Variants in SORCS3 observed in about 807,000 individuals in gnomAD.
SORCS3 encodes VPS10 domain-containing receptor SorCS3.
Under a neutral mutation model 146.3 loss-of-function variants are expected in SORCS3, and 57 were observed. The ratio of observed to expected loss-of-function variants is 0.39; its 90% CI spans 0.31 to 0.49. The LOEUF (loss-of-function observed/expected upper bound fraction) is 0.49, where lower values mean the gene tolerates loss of function less well. SORCS3 is among the 20% of genes least tolerant of loss of function. The probability of loss-of-function intolerance (pLI) is 0.92; values close to 1 mark genes in which losing one functional copy is unlikely to be tolerated. For missense variants in SORCS3, 1,341 were observed against 1,575.5 expected (o/e 0.85, Z 2.52); for synonymous variants, 653 against 618.5 (o/e 1.06, Z -0.83).
intron 1 of SORCS3, among the ~76,000 whole-genome samples, chr10:104,809,131 G>T (rs1468487276): frequency 6.6e-6 from 1 of 152,172 alleles, no homozygotes; most frequent in African/African-American, 2.4e-5. Flanking sequence ...TTGAGTTTTA[G>T]ATACCTTTAG....
chr10:104,701,901 C>A (rs2016283109), intron 1 of SORCS3, among the ~76,000 whole-genome samples: 1 of 151,932 alleles, frequency 6.6e-6, no homozygotes, highest in African/African-American at 2.4e-5. Flanking sequence ...ATTGTTGATG[C>A]TCATGTTGTT....
intron 3 of SORCS3, among the ~76,000 whole-genome samples, chr10:104,928,275 G>A (rs1459354580): frequency 6.6e-6 from 1 of 152,156 alleles, no homozygotes; most frequent in East Asian, 1.9e-4. Flanking sequence ...CAGCCTCTCA[G>A]ACTGATGAGA....
At chr10:105,216,386 C>T (rs2056665225) in intron 18 of SORCS3, among the ~76,000 whole-genome samples, 1 of 152,082 alleles carries the variant, frequency 6.6e-6, no homozygotes, top group East Asian at 1.9e-4. Flanking sequence ...AGCATGGCAA[C>T]TGAGGGCATT....
At chr10:104,764,832 T>G (rs1332007908) in intron 1 of SORCS3, among the ~76,000 whole-genome samples, 1 of 152,042 alleles carries the variant, frequency 6.6e-6, no homozygotes, top group Admixed American at 6.6e-5. Flanking sequence ...AGACAGGGAG[T>G]TTCTTAAACT....
At chr10:105,250,074 G>A (rs1435514412) in intron 22 of SORCS3, among the ~76,000 whole-genome samples, 4 of 152,078 alleles carry the variant, frequency 2.6e-5, no homozygotes, top group Non-Finnish European at 5.9e-5. Flanking sequence ...TTTGATGTCT[G>A]GTGAAAGCCA....
At chr10:105,040,859 C>T (rs2055333513) in intron 4 of SORCS3, among the ~76,000 whole-genome samples, 1 of 151,692 alleles carries the variant, frequency 6.6e-6, no homozygotes, top group Admixed American at 6.6e-5. Flanking sequence ...TGTGGTATAG[C>T]AGAAACTTGT....
intron 7 of SORCS3, among the ~76,000 whole-genome samples, chr10:105,119,797 C>T (rs556389106): frequency 6.6e-6 from 1 of 152,166 alleles, no homozygotes; most frequent in East Asian, 1.9e-4. Flanking sequence ...CCTATACCCC[C>T]ATTGTATCTA....
At chr10:104,696,004 TATATATAATATATATCATATACACATATA>T (rs1564660786) in intron 1 of SORCS3, among the ~76,000 whole-genome samples, 87 of 110,022 alleles carry the variant, frequency 7.9e-4, no homozygotes, top group Non-Finnish European at 1.0e-3. Flanking sequence ...ACACATATAA[TATATATAATATATATCATATACACATATA>T]ATATATAATA....
intron 20 of SORCS3, among the ~76,000 whole-genome samples, chr10:105,231,237 G>C (rs145307566): frequency 1.8e-3 from 281 of 152,286 alleles, no homozygotes; most frequent in Middle Eastern, 3.4e-3. Flanking sequence ...CTTCTTTGTG[G>C]AGAAGACCAG....
intron 20 of SORCS3, among the ~76,000 whole-genome samples, chr10:105,228,849 T>C (rs1032212563): frequency 1.3e-5 from 2 of 152,212 alleles, no homozygotes; most frequent in African/African-American, 4.8e-5. Context: ...CTTTGCATCT[T>C]TTTGGAACTA....
chr10:104,681,552 A>C (rs534198461), intron 1 of SORCS3, among the ~76,000 whole-genome samples: 2 of 152,068 alleles, frequency 1.3e-5, no homozygotes, highest in Non-Finnish European at 2.9e-5. Flanking sequence ...CTTGGTTTGC[A>C]CTCTAGCCCT....
intron 18 of SORCS3, among the ~76,000 whole-genome samples, chr10:105,214,961 A>G (rs1243005577): frequency 6.6e-6 from 1 of 152,182 alleles, no homozygotes; most frequent in Admixed American, 6.5e-5. Context: ...GGAAATGTGA[A>G]TTTTATCTGT....
chr10:104,644,242 A>G (rs1402478850), intron 1 of SORCS3, among the ~76,000 whole-genome samples: 1 of 152,262 alleles, frequency 6.6e-6, no homozygotes, highest in Non-Finnish European at 1.5e-5. Context: ...CAAGAGCACC[A>G]CAGGTGGATG....
chr10:104,703,012 G>A (rs2016298538), intron 1 of SORCS3, among the ~76,000 whole-genome samples: 1 of 152,294 alleles, frequency 6.6e-6, no homozygotes, highest in African/African-American at 2.4e-5. Context: ...TTACTTTCAA[G>A]TGATCAAATT....
At chr10:104,684,907 TC>T (rs762423313) in intron 1 of SORCS3, among the ~76,000 whole-genome samples, 3 of 143,736 alleles carry the variant, frequency 2.1e-5, no homozygotes, top group Non-Finnish European at 4.5e-5. Flanking sequence ...AACCTCTGCC[TC>T]CCGGGTTTCA....
intron 1 of SORCS3, among the ~76,000 whole-genome samples, chr10:104,719,250 C>A (rs191870617): frequency 3.9e-5 from 6 of 152,110 alleles, no homozygotes; most frequent in Non-Finnish European, 8.8e-5. Flanking sequence ...CTTTTCTTTT[C>A]TAAAATCCTG....
At chr10:104,739,498 G>A (rs1245535921) in intron 1 of SORCS3, among the ~76,000 whole-genome samples, 7 of 152,164 alleles carry the variant, frequency 4.6e-5, no homozygotes, top group Non-Finnish European at 1.0e-4. Context: ...GAAAGCACTC[G>A]GGAGAGGTGA....
At chr10:104,999,937 C>G (rs764885663) in intron 4 of SORCS3, among the ~76,000 whole-genome samples, 9 of 152,102 alleles carry the variant, frequency 5.9e-5, no homozygotes, top group Non-Finnish European at 1.2e-4. Flanking sequence ...TGACTACCTG[C>G]CTTTTACTTG....
chr10:105,192,687 A>G (rs1670124887), intron 14 of SORCS3, among the ~76,000 whole-genome samples: 1 of 152,196 alleles, frequency 6.6e-6, no homozygotes, highest in Non-Finnish European at 1.5e-5. Flanking sequence ...AGTGAAGTCC[A>G]CTAATATAAC....
Sources: allele counts gnomAD v4.1 joint callset (sites outside exome capture counted in the v4.1 genomes callset), GRCh38; gene constraint gnomAD v4.1.1; transcripts MANE v1.5; gene names NCBI Gene and HGNC (gene_info 2026-07-23, HGNC 2026-07-21).